Variants in GALNT10 observed in about 807,000 individuals in gnomAD.
The protein encoded by GALNT10 is polypeptide N-acetylgalactosaminyltransferase 10.
Under a neutral mutation model 75.0 loss-of-function variants are expected in GALNT10, and 41 were observed. That is an observed-to-expected ratio of 0.55 (90% CI 0.43 to 0.71). GALNT10 has a LOEUF of 0.71. Among genes scored for constraint, GALNT10 ranks in the 30% least tolerant of loss-of-function variants. The pLI, the probability that GALNT10 is intolerant of heterozygous loss-of-function variation, is 0.00. For synonymous variants in GALNT10, 302 were observed against 313.0 expected, an observed-to-expected ratio of 0.96 and a Z score of 0.37; for missense variants, 727 against 818.5, an observed-to-expected ratio of 0.89 and a Z score of 1.36.
At chr5:154,391,894 A>T (rs1381297565) in intron 7 of GALNT10, among the ~76,000 whole-genome samples, 1 of 152,062 alleles carries the variant, frequency 6.6e-6, no homozygotes, top group Non-Finnish European at 1.5e-5. Context: ...ATCATCTTGT[A>T]CAAGTCCCCA....
Position 154,235,358 on chromosome 5 carries a change from T to A in GALNT10, c.159+44333T>A, listed in dbSNP as rs200732208. On this transcript the variant is annotated intron_variant, in intron 1 of 11. Transcript: ENST00000297107. ...AATACCATGATTACAGCAGCACAGATGGGGTTCATTCTGAGACCTTGAGTT... is the reference window on the plus strand; with the variant it reads ...AATACCATGATTACAGCAGCACAGAAGGGGTTCATTCTGAGACCTTGAGTT... Among the ~76,000 whole-genome samples the A allele has an allele frequency of 2.0e-5, 3 of 152,314 alleles. No individual in the cohort carries two copies. In the East Asian group the frequency reaches 5.8e-4, roughly 29 times the overall value.
intron 10 of GALNT10, among the ~76,000 whole-genome samples, chr5:154,413,804 T>C (rs2113226270): frequency 6.6e-6 from 1 of 151,840 alleles, no homozygotes; most frequent in African/African-American, 2.4e-5. Flanking sequence ...AAAAACACAA[T>C]CCATAAAAGA....
chr5:154,326,515 A>G (rs192876037), intron 3 of GALNT10, among the ~76,000 whole-genome samples: 3 of 152,356 alleles, frequency 2.0e-5, no homozygotes, highest in African/African-American at 7.2e-5. Flanking sequence ...TAATTGATGA[A>G]TAGATAAATA....
intron 7 of GALNT10, among the ~76,000 whole-genome samples, chr5:154,398,920 G>T (rs944314315): frequency 2.0e-5 from 3 of 152,178 alleles, no homozygotes; most frequent in African/African-American, 7.2e-5. Flanking sequence ...GAGGGCAGGC[G>T]CTCTGTAATT....
At chr5:154,261,176 T>C (rs537451915) in intron 1 of GALNT10, among the ~76,000 whole-genome samples, 297 of 152,332 alleles carry the variant, frequency 1.9e-3, no homozygotes, top group African/African-American at 6.7e-3. Flanking sequence ...GGAGACACCA[T>C]TGAAATTCAT....
intron 4 of GALNT10, among the ~76,000 whole-genome samples, chr5:154,358,151 T>C (rs1755324929): frequency 6.6e-6 from 1 of 152,138 alleles, no homozygotes; most frequent in Non-Finnish European, 1.5e-5. Flanking sequence ...ATAAAGCCCA[T>C]GGAACACTGG....
At chr5:154,378,350 G>A (rs1410673520) in intron 5 of GALNT10, among the ~76,000 whole-genome samples, 8 of 83,164 alleles carry the variant, frequency 9.6e-5, no homozygotes, top group Admixed American at 2.3e-4. Flanking sequence ...TCATTATCAC[G>A]GCTCTCATAA....
At chr5:154,323,246 C>G (rs1754703493) in intron 3 of GALNT10, among the ~76,000 whole-genome samples, 1 of 152,160 alleles carries the variant, frequency 6.6e-6, no homozygotes, top group Non-Finnish European at 1.5e-5. Flanking sequence ...GTGGCACCCA[C>G]CTGTAGTCCC....
chr5:154,255,764 C>G (rs1753597582), intron 1 of GALNT10, among the ~76,000 whole-genome samples: 6 of 151,938 alleles, frequency 3.9e-5, no homozygotes, highest in Admixed American at 2.6e-4. Flanking sequence ...AAAATGAGAG[C>G]TGGGAGGTTA....
chr5:154,346,373 T>C (rs1049758615), intron 4 of GALNT10, among the ~76,000 whole-genome samples: 56 of 152,308 alleles, frequency 3.7e-4, no homozygotes, highest in African/African-American at 1.3e-3. Context: ...TTGAGGAACC[T>C]CCATACTGTT....
chr5:154,298,773 C>T lies in GALNT10; in HGVS notation c.401+694C>T, dbSNP rs1279803276. Among the ~76,000 whole-genome samples the T allele has an allele frequency of 1.3e-5, 2 of 152,138 alleles. No individual in the cohort carries two copies. Among genetic ancestry groups the T allele is most frequent in the Non-Finnish European group, 2.9e-5 (2 of 68,028 alleles). On this transcript the variant is annotated intron_variant, in intron 3 of 11. Transcript: ENST00000297107. This position sits in a 1 kb window ranked among gnomAD's most constrained non-coding sequence, Gnocchi z 4.1. The stretch of plus-strand genomic sequence containing the variant: ...CTCCCTGTACATTTTCAGTAAGGGT[C>T]ATTGTGGTGATGATGGTGATTTTCT...
chr5:154,289,611 G>A (rs530302741), intron 1 of GALNT10, among the ~76,000 whole-genome samples: 2 of 152,260 alleles, frequency 1.3e-5, no homozygotes, highest in South Asian at 2.1e-4. Flanking sequence ...CTCAGATTTC[G>A]TATCTGTAAA....
At chr5:154,220,508 CAG>C (rs1378647592) in intron 1 of GALNT10, 2 of 152,210 alleles carry the variant, frequency 1.3e-5, no homozygotes, top group Admixed American at 6.5e-5. Flanking sequence ...GGAGGAAACT[CAG>C]TGGCTGTAAA....
intron 2 of GALNT10, among the ~76,000 whole-genome samples, chr5:154,297,691 T>C (rs1754301438): frequency 6.6e-6 from 1 of 152,184 alleles, no homozygotes; most frequent in Non-Finnish European, 1.5e-5. Flanking sequence ...AGATTATCAT[T>C]CTGTGGAATG....
chr5:154,333,751 C>A (rs1015466779), intron 4 of GALNT10, among the ~76,000 whole-genome samples: 1 of 152,094 alleles, frequency 6.6e-6, no homozygotes, highest in African/African-American at 2.4e-5. Flanking sequence ...AAAACCGAGG[C>A]CCCCTGATCA....
chr5:154,253,502 T>C (rs1348754477), intron 1 of GALNT10, among the ~76,000 whole-genome samples: 1 of 152,026 alleles, frequency 6.6e-6, no homozygotes, highest in Non-Finnish European at 1.5e-5. Context: ...CTGCACGTTG[T>C]GCACATGTAC....
intron 1 of GALNT10, among the ~76,000 whole-genome samples, chr5:154,233,514 G>C (rs558736670): frequency 6.6e-6 from 1 of 152,284 alleles, no homozygotes; most frequent in African/African-American, 2.4e-5. Flanking sequence ...AAAGGCTCTG[G>C]CTTCTGAAAA....
chr5:154,414,001 CA>C (rs935859360), intron 10 of GALNT10, among the ~76,000 whole-genome samples: 34 of 151,472 alleles, frequency 2.2e-4, no homozygotes, highest in East Asian at 9.7e-4. Context: ...GATACTTTAC[CA>C]AAAAAAATAT....
At chr5:154,241,398 CA>C (rs1425383495) in intron 1 of GALNT10, among the ~76,000 whole-genome samples, 2 of 152,178 alleles carry the variant, frequency 1.3e-5, no homozygotes, top group Non-Finnish European at 2.9e-5. Context: ...CAGATAAGTG[CA>C]AACAAAAGAA....
Sources: allele counts gnomAD v4.1 joint callset (sites outside exome capture counted in the v4.1 genomes callset), GRCh38; gene constraint gnomAD v4.1.1; non-coding constraint Gnocchi (gnomAD v3.1); transcripts MANE v1.5; gene names NCBI Gene and HGNC (gene_info 2026-07-23, HGNC 2026-07-21).